The following UBE2K variants were observed in gnomAD, a reference collection of about 807,000 sequenced individuals.
UBE2K encodes ubiquitin-conjugating enzyme E2 K.
UBE2K carries 6 observed loss-of-function variants against 30.0 expected under a neutral mutation model. The ratio of observed to expected loss-of-function variants is 0.20; its 90% confidence interval spans 0.11 to 0.39. UBE2K has a LOEUF of 0.39. Among genes scored for constraint, UBE2K ranks in the 10% least tolerant of loss-of-function variants. The probability of loss-of-function intolerance (pLI) is 1.00; values close to 1 mark genes in which losing one functional copy is unlikely to be tolerated. For missense variants in UBE2K, 61 were observed against 241.6 expected, an observed-to-expected ratio of 0.25 and a Z score of 4.96; for synonymous variants, 86 against 83.7, an observed-to-expected ratio of 1.03 and a Z score of -0.15.
intron 1 of UBE2K, among the ~76,000 whole-genome samples, chr4:39,730,682 C>T (rs1720021306): frequency 6.6e-6 from 1 of 151,892 alleles, no homozygotes; most frequent in Admixed American, 6.6e-5. Flanking sequence ...GCAGAAGGAT[C>T]GCTTGAACCC....
At chr4:39,771,707 G>C (rs1712879535) in intron 4 of UBE2K, among the ~76,000 whole-genome samples, 1 of 152,166 alleles carries the variant, frequency 6.6e-6, no homozygotes, top group Non-Finnish European at 1.5e-5. Context: ...CTCAAACCCT[G>C]GAGTTTCTGA....
chr4:39,701,213 TTTAAA>T (rs1323560331), intron 1 of UBE2K, among the ~76,000 whole-genome samples: 10 of 152,324 alleles, frequency 6.6e-5, no homozygotes, highest in Admixed American at 2.6e-4. Context: ...TTTAAGTAGT[TTTAAA>T]TAATATTCCA....
chr4:39,708,547 T>C (rs1360732278), intron 1 of UBE2K, among the ~76,000 whole-genome samples: 1 of 152,082 alleles, frequency 6.6e-6, no homozygotes, highest in Non-Finnish European at 1.5e-5. Context: ...GTTTTGAGTA[T>C]GTTTGAGTAA....
At chr4:39,754,028 C>CA (rs908497451) in intron 3 of UBE2K, among the ~76,000 whole-genome samples, 5 of 150,178 alleles carry the variant, frequency 3.3e-5, no homozygotes, top group African/African-American at 4.9e-5. Flanking sequence ...GACTCCTTCT[C>CA]AAAAAAAAAG....
intron 3 of UBE2K, among the ~76,000 whole-genome samples, chr4:39,746,220 A>G (rs139704885): frequency 2.2e-4 from 34 of 152,274 alleles, no homozygotes; most frequent in African/African-American, 8.2e-4. Context: ...GAACTATAGC[A>G]GTAACTAAGA....
chr4:39,750,779 T>C (rs1270174747), intron 3 of UBE2K, among the ~76,000 whole-genome samples: 1 of 151,894 alleles, frequency 6.6e-6, no homozygotes, highest in African/African-American at 2.4e-5. Flanking sequence ...AGGGTCTTGC[T>C]GTGTTGCCCA....
At chr4:39,715,815 T>C (rs1719028046) in intron 1 of UBE2K, among the ~76,000 whole-genome samples, 1 of 151,692 alleles carries the variant, frequency 6.6e-6, no homozygotes, top group Non-Finnish European at 1.5e-5. Flanking sequence ...GACCTCCTGC[T>C]CTGGAGGCAC....
intron 3 of UBE2K, among the ~76,000 whole-genome samples, chr4:39,754,413 A>G (rs1310995020): frequency 6.6e-6 from 1 of 152,182 alleles, no homozygotes; most frequent in East Asian, 1.9e-4. Context: ...GGAGGTAAGG[A>G]AGTAGAAATA....
rs376703186 is a variant in UBE2K, at chr4:39,715,151, G to A, written c.63+16761G>A. 3.3e-5 allele frequency among the ~76,000 whole-genome samples: 5 copies of A among 150,222 alleles called. No homozygotes were observed. In the East Asian group the frequency reaches 7.9e-4, roughly 24 times the overall value. ...CGCCATTCTTCTGCCTCAGCCTCCCGAGTAGCTGGGACTACAGGCGCCCGC... is the reference window on the plus strand; with the variant it reads ...CGCCATTCTTCTGCCTCAGCCTCCCAAGTAGCTGGGACTACAGGCGCCCGC... On this transcript the variant is annotated intron_variant, in intron 1 of 6. Coordinates refer to ENST00000261427, the MANE Select transcript of UBE2K (RefSeq NM_005339.5).
At chr4:39,736,701 C>G (rs1247786792) in intron 1 of UBE2K, among the ~76,000 whole-genome samples, 1 of 152,106 alleles carries the variant, frequency 6.6e-6, no homozygotes, top group African/African-American at 2.4e-5. Context: ...TAGGAAAGTA[C>G]TTGGAGTAGT....
chr4:39,749,669 ACT>A (rs946658125), intron 3 of UBE2K, among the ~76,000 whole-genome samples: 2 of 150,452 alleles, frequency 1.3e-5, no homozygotes, highest in Non-Finnish European at 3.0e-5. Flanking sequence ...AGAGAGTAAG[ACT>A]CTGTCTCAAA....
chr4:39,764,565 G>T (rs1712188688), intron 4 of UBE2K, among the ~76,000 whole-genome samples: 1 of 151,654 alleles, frequency 6.6e-6, no homozygotes, highest in African/African-American at 2.4e-5. Context: ...TCCCACCTCA[G>T]CTTATCACAG....
rs1720957932 is a variant in UBE2K, at chr4:39,745,795, A to G, written c.201A>G (p.Pro67=). Residue 67 remains proline (P), a synonymous_variant, in exon 3 of 7, where the codon CCA becomes CCG. Coordinates refer to ENST00000261427, the MANE Select transcript of UBE2K (RefSeq NM_005339.5). ...QLEIKIPETY[P]FNPPKVRFIT... is the part of the protein sequence containing the mutation. ...AGATAAAAATACCAGAAACATACCC[A>G]TTTAATCCCCCTAAGGTATTGTAAG... The G allele has an allele frequency of 3.7e-6, 6 of 1,607,116 alleles. No homozygotes were observed. The African/African-American group carries it at 6.7e-5, about 18-fold the overall frequency.
chr4:39,722,466 A>T (rs1195093038), intron 1 of UBE2K, among the ~76,000 whole-genome samples: 2 of 152,198 alleles, frequency 1.3e-5, no homozygotes, highest in African/African-American at 4.8e-5. Context: ...TTGTAAAGGT[A>T]CATTTTATGC....
chr4:39,769,254 G>A (rs1160175191), intron 4 of UBE2K, among the ~76,000 whole-genome samples: 1 of 75,424 alleles, frequency 1.3e-5, no homozygotes, highest in Non-Finnish European at 2.8e-5. Flanking sequence ...TTTTTATTTT[G>A]TGGAAAACAA....
rs577781434 is a variant in UBE2K at position 39,740,836 on chromosome 4, C to T, written c.157+3323C>T. On this transcript the variant is annotated intron_variant, in intron 2 of 6. Transcript: ENST00000261427. Reference sequence around the variant, plus strand: ...CGAGATTGTGCCATTGCACTCCAGCCTGGGCAACAGAGCAAGACTCCGTCT... The same window carrying T: ...CGAGATTGTGCCATTGCACTCCAGCTTGGGCAACAGAGCAAGACTCCGTCT... Among the ~76,000 whole-genome samples the T allele has an allele frequency of 9.2e-5, 13 of 140,712 alleles. No homozygotes were observed. In the South Asian group the frequency reaches 2.9e-3, roughly 31 times the overall value. 92.3% of individuals were successfully genotyped at this position (140,712 alleles called of 152,430 possible). A position where few individuals can be genotyped will look rare whatever the true frequency, so the allele number is the denominator to read the frequency against.
chr4:39,730,190 CT>C (rs1007627015), intron 1 of UBE2K, among the ~76,000 whole-genome samples: 2 of 149,140 alleles, frequency 1.3e-5, no homozygotes, highest in African/African-American at 2.5e-5. Context: ...CAGAACTTAA[CT>C]TTTTTTTTTA....
chr4:39,755,790 TGTAA>T (rs1483114095), intron 4 of UBE2K, 51 bp downstream of exon 4: 2 of 1,320,256 alleles, frequency 1.5e-6, no homozygotes, highest in African/African-American at 3.0e-5. Context: ...ATACCAAGAC[TGTAA>T]GAGTGTTAAA....
intron 2 of UBE2K, among the ~76,000 whole-genome samples, chr4:39,744,731 C>A (rs1289025959): frequency 2.0e-5 from 3 of 149,822 alleles, no homozygotes; most frequent in South Asian, 4.2e-4. Context: ...ATGGTGAAAC[C>A]CTGTCTGTAC....
Sources: gnomAD v4.1 joint callset for allele counts (sites outside exome capture counted in the v4.1 genomes callset) on GRCh38, gnomAD v4.1.1 for gene constraint, MANE v1.5 for transcripts, NCBI Gene and HGNC (gene_info 2026-07-23, HGNC 2026-07-21) for gene names.